The following TCEANC2 variants were observed in gnomAD, a reference collection of about 807,000 sequenced individuals.
TCEANC2 encodes the protein transcription elongation factor A N-terminal and central domain containing 2.
TCEANC2 carries 20 observed loss-of-function variants against 22.8 expected under a neutral mutation model. That is an observed-to-expected ratio of 0.88 (90% CI 0.62 to 1.28). The LOEUF (loss-of-function observed/expected upper bound fraction) is 1.28, where lower values mean the gene tolerates loss of function less well. Ranked by LOEUF, TCEANC2 falls within the 50% of genes most tolerant of loss-of-function variation. The pLI, the probability that TCEANC2 is intolerant of heterozygous loss-of-function variation, is 0.00. For missense variants in TCEANC2, 251 were observed against 249.7 expected, an observed-to-expected ratio of 1.01 and a Z score of -0.03; for synonymous variants, 84 against 95.5, an observed-to-expected ratio of 0.88 and a Z score of 0.70.
intron 3 of TCEANC2, among the ~76,000 whole-genome samples, chr1:54,080,912 T>C (rs1658232618): frequency 6.6e-6 from 1 of 152,234 alleles, no homozygotes; most frequent in Admixed American, 6.5e-5. Context: ...ACTTCCTTGA[T>C]GTAGCTACTG....
At chr1:54,107,235 C>G (rs144167707), downstream of TCEANC2, among the ~76,000 whole-genome samples, 202 of 152,220 alleles carry the variant, frequency 1.3e-3, no homozygotes, top group African/African-American at 4.7e-3. Context: ...CGTAGACTGT[C>G]CCTCAATTTG....
intron 3 of TCEANC2, among the ~76,000 whole-genome samples, chr1:54,084,737 A>G (rs1304787598): frequency 1.3e-5 from 2 of 151,848 alleles, no homozygotes; most frequent in South Asian, 4.2e-4. Flanking sequence ...TGGCCACTGC[A>G]CTCCGGCCTG....
chr1:54,082,981 G>C (rs1658274551), intron 3 of TCEANC2, among the ~76,000 whole-genome samples: 1 of 152,160 alleles, frequency 6.6e-6, no homozygotes, highest in Non-Finnish European at 1.5e-5. Context: ...ATGAGAACCT[G>C]AATCAGGGTA....
intron 3 of TCEANC2, among the ~76,000 whole-genome samples, chr1:54,077,189 G>A (rs142810994): frequency 1.8e-4 from 27 of 152,288 alleles, no homozygotes; most frequent in African/African-American, 5.5e-4. Flanking sequence ...CCCTGATGAT[G>A]CCTCTCGCTA....
rs1658702125 is a variant in TCEANC2, at chr1:54,103,894, GATTATGGGATCTATA to G, written c.*7422_*7436del. ...ATAGAATGTTTAATCTACTGGGATA[GATTATGGGATCTATA>G]GATTATGGGATAGTCATACAGGATC... On this transcript the variant is annotated 3_prime_UTR_variant, in exon 5 of 5. Transcript: ENST00000234827. 6.6e-6 allele frequency: 1 copy of G among 152,220 alleles called. No individual in the cohort carries two copies. Among genetic ancestry groups the G allele is most frequent in the African/African-American group, 2.4e-5 (1 of 41,432 alleles). The allele number at this position is 152,220 out of a possible 1,614,324, so 9.4% of individuals were successfully genotyped here.
At chr1:54,058,327 C>T (rs1657790700) in intron 2 of TCEANC2, among the ~76,000 whole-genome samples, 1 of 152,210 alleles carries the variant, frequency 6.6e-6, no homozygotes, top group African/African-American at 2.4e-5. Flanking sequence ...ACTCCCTTCT[C>T]TGAGCCATCC....
At chr1:54,055,138 G>C (rs1657725177) in intron 2 of TCEANC2, among the ~76,000 whole-genome samples, 1 of 151,870 alleles carries the variant, frequency 6.6e-6, no homozygotes, top group Non-Finnish European at 1.5e-5. Context: ...GCTATTTTTT[G>C]TTTTTAGTAG....
chr1:54,063,733 C>G (rs1397372505), intron 2 of TCEANC2, among the ~76,000 whole-genome samples: 2 of 152,118 alleles, frequency 1.3e-5, no homozygotes, highest in East Asian at 3.8e-4. Flanking sequence ...CTGGCCCCAA[C>G]CGTTTTGGAT....
chr1:54,055,564 C>T (rs1657737475), intron 2 of TCEANC2, among the ~76,000 whole-genome samples: 1 of 152,178 alleles, frequency 6.6e-6, no homozygotes, highest in Non-Finnish European at 1.5e-5. Context: ...GCCAGGATGA[C>T]ATTATCCATT....
At chr1:54,063,463 T>C (rs766603036) in intron 2 of TCEANC2, among the ~76,000 whole-genome samples, 1 of 152,216 alleles carries the variant, frequency 6.6e-6, no homozygotes, top group Non-Finnish European at 1.5e-5. Flanking sequence ...ATGTCTGTTA[T>C]ATGGAGTGGT....
At chr1:54,091,490 C>T (rs1259180297) in intron 4 of TCEANC2, among the ~76,000 whole-genome samples, 2 of 152,136 alleles carry the variant, frequency 1.3e-5, no homozygotes, top group Non-Finnish European at 1.5e-5. Context: ...ATTGCAAATA[C>T]CAAATCTTCT....
At chr1:54,107,749 T>C (rs1658780825), downstream of TCEANC2, among the ~76,000 whole-genome samples, 1 of 152,232 alleles carries the variant, frequency 6.6e-6, no homozygotes, top group Non-Finnish European at 1.5e-5. Context: ...CACAACCACG[T>C]TGTGTGAGAA....
chr1:54,111,799 G>A (rs1658844587), exon 5 of TCEANC2: 2 of 152,204 alleles, frequency 1.3e-5, no homozygotes, highest in South Asian at 4.1e-4. Flanking sequence ...CCAAATCCCA[G>A]TCTGGACCGA....
Position 54,095,599 on chromosome 1 carries a change from C to T in TCEANC2, c.439-686C>T, listed in dbSNP as rs144821551. 5.3e-5 allele frequency among the ~76,000 whole-genome samples: 8 copies of T among 152,318 alleles called. No homozygotes were observed. In the East Asian group the frequency reaches 5.8e-4, roughly 11 times the overall value. ...AGACCACCCCAGAATTGCTACAGTT[C>T]CCTTCCCTAGACCTGCTCTGCTTAA... On this transcript the variant is annotated intron_variant, in intron 4 of 4. Transcript: ENST00000234827.
At chr1:54,076,874 A>G (rs1164546953) in intron 3 of TCEANC2, among the ~76,000 whole-genome samples, 1 of 152,230 alleles carries the variant, frequency 6.6e-6, no homozygotes, top group Non-Finnish European at 1.5e-5. Context: ...CAAATTGTGT[A>G]GTTATGTTAG....
chr1:54,084,723 A>G (rs192693240), intron 3 of TCEANC2, among the ~76,000 whole-genome samples: 16 of 151,986 alleles, frequency 1.1e-4, no homozygotes, highest in Non-Finnish European at 1.8e-4. Context: ...TTAGCCAGGC[A>G]TGGTGGCCAC....
chr1:54,062,415 T>C (rs75789159), intron 2 of TCEANC2, among the ~76,000 whole-genome samples: 5,294 of 152,338 alleles, frequency 0.035, 115 homozygotes, highest in Middle Eastern at 0.054. Context: ...AATAGACTGA[T>C]GTTTTTCCTA....
intron 3 of TCEANC2, among the ~76,000 whole-genome samples, chr1:54,080,331 A>T (rs1273487777): frequency 6.6e-6 from 1 of 152,008 alleles, no homozygotes; most frequent in Non-Finnish European, 1.5e-5. Flanking sequence ...TTTAATAGAT[A>T]TGGGGTTTCA....
chr1:54,095,500 A>T (rs889908602), intron 4 of TCEANC2, among the ~76,000 whole-genome samples: 1 of 152,110 alleles, frequency 6.6e-6, no homozygotes, highest in Non-Finnish European at 1.5e-5. Context: ...CTGGATTCAG[A>T]CCGTGTAGAC....
Sources: gnomAD v4.1 joint callset for allele counts (sites outside exome capture counted in the v4.1 genomes callset) on GRCh38, gnomAD v4.1.1 for gene constraint, MANE v1.5 for transcripts, NCBI Gene and HGNC (gene_info 2026-07-23, HGNC 2026-07-21) for gene names.